Variants in ALPK2 observed in about 807,000 individuals in gnomAD.
The protein encoded by ALPK2 is alpha kinase 2.
In ALPK2, 127 loss-of-function variants were observed where a neutral mutation model predicts 163.1. The ratio of observed to expected loss-of-function variants is 0.78; its 90% CI spans 0.67 to 0.90. ALPK2 has a LOEUF of 0.90. Among genes scored for constraint, ALPK2 ranks in the 40% least tolerant of loss-of-function variants. The pLI, the probability that ALPK2 is intolerant of heterozygous loss-of-function variation, is 0.00. For missense variants in ALPK2, 2,360 were observed against 2,589.6 expected, an observed-to-expected ratio of 0.91 and a Z score of 1.92; for synonymous variants, 953 against 959.1, an observed-to-expected ratio of 0.99 and a Z score of 0.12.
At position 58,562,966 on chromosome 18, in the gene ALPK2, A is replaced by G. The variant is rs146792035; in HGVS notation, c.1962+15848T>C. Among the ~76,000 whole-genome samples, 882 of 152,338 alleles carry G rather than the reference A, an allele frequency of 5.8e-3. 12 individuals are homozygous for G. Among genetic ancestry groups the G allele is most frequent in the South Asian group, 0.031 (150 of 4,818 alleles). ...TACTTCCCACAGACTCCACCTGCTA[A>G]TAGTATCACATTGGAGGTTAGGACT... On this transcript the variant is annotated intron_variant, in intron 4 of 12. Transcript: ENST00000361673.
At chr18:58,485,181 G>A (rs2144093559) in intron 12 of ALPK2, among the ~76,000 whole-genome samples, 1 of 152,316 alleles carries the variant, frequency 6.6e-6, no homozygotes, top group Non-Finnish European at 1.5e-5. Flanking sequence ...GAGAGTGCTG[G>A]CCGTTGTTGC....
In ALPK2 at chr18:58,537,333, G is replaced by A. The variant is rs1251823435; in HGVS notation, c.2854C>T (p.Pro952Ser). The change falls in exon 5 of 13, where the codon CCT (proline) becomes TCT (serine). Residue 952 changes from proline to serine, a missense_variant. Physicochemically the swap from Pro to Ser is moderately conservative, Grantham distance 74. Transcript: ENST00000361673. ...CCTCCTTCTTTAAATTGCACTAAAG[G>A]ATTGTTCTCAGAAGAAAGGAGCTGT... Reference protein sequence around the residue: ...ETQLLSSENNPLVQFKEGGDK... With the variant: ...ETQLLSSENNSLVQFKEGGDK... The A allele has an allele frequency of 3.1e-6, 5 of 1,614,010 alleles. No homozygotes were observed. In the Admixed American group the frequency reaches 6.7e-5, roughly 22 times the overall value.
At chr18:58,543,904 C>T (rs2051704194) in intron 4 of ALPK2, among the ~76,000 whole-genome samples, 1 of 152,176 alleles carries the variant, frequency 6.6e-6, no homozygotes, top group Non-Finnish European at 1.5e-5. Flanking sequence ...GAATAAACCT[C>T]ACCTCACCAA....
chr18:58,507,638 A>G (rs2051468511), intron 10 of ALPK2, among the ~76,000 whole-genome samples: 1 of 152,118 alleles, frequency 6.6e-6, no homozygotes, highest in African/African-American at 2.4e-5. Flanking sequence ...TCGAGCTGGG[A>G]CCTCAGGTTC....
At chr18:58,552,240 A>T (rs993321542) in intron 4 of ALPK2, among the ~76,000 whole-genome samples, 4 of 152,194 alleles carry the variant, frequency 2.6e-5, no homozygotes, top group African/African-American at 7.2e-5. Context: ...CAGTTCTGCA[A>T]ATGTGGTAGA....
intron 3 of ALPK2, among the ~76,000 whole-genome samples, chr18:58,586,462 A>G (rs1196007028): frequency 6.6e-6 from 1 of 152,212 alleles, no homozygotes; most frequent in South Asian, 2.1e-4. Flanking sequence ...GCTGAATCTC[A>G]GTAAGAACAG....
intron 3 of ALPK2, among the ~76,000 whole-genome samples, chr18:58,605,162 G>T (rs1323687456): frequency 7.8e-6 from 1 of 127,730 alleles, no homozygotes; most frequent in Non-Finnish European, 1.7e-5. Flanking sequence ...TCTTACCAGG[G>T]TAGGCAAACT....
At chr18:58,617,973 C>A (rs572825812) in intron 1 of ALPK2, among the ~76,000 whole-genome samples, 24 of 152,198 alleles carry the variant, frequency 1.6e-4, no homozygotes, top group Non-Finnish European at 2.8e-4. Context: ...TCCTTAGACA[C>A]ATAACTGGTC....
chr18:58,596,617 G>A (rs2052042666), intron 3 of ALPK2, among the ~76,000 whole-genome samples: 1 of 152,216 alleles, frequency 6.6e-6, no homozygotes. Context: ...TGGGAGGCCT[G>A]TTAGATTATT....
intron 12 of ALPK2, among the ~76,000 whole-genome samples, chr18:58,493,393 GGATTA>G (rs1160242038): frequency 6.6e-6 from 1 of 151,978 alleles, no homozygotes; most frequent in Non-Finnish European, 1.5e-5. Context: ...GTGTTTCTTC[GGATTA>G]GATTGTTTCT....
chr18:58,543,888 A>G (rs972978369), intron 4 of ALPK2, among the ~76,000 whole-genome samples: 6 of 152,182 alleles, frequency 3.9e-5, no homozygotes, highest in Non-Finnish European at 8.8e-5. Context: ...CTAATCAGGT[A>G]AGTTGGAATA....
chr18:58,482,583 C>A (rs1438941852), intron 12 of ALPK2, among the ~76,000 whole-genome samples: 2 of 152,140 alleles, frequency 1.3e-5, no homozygotes, highest in African/African-American at 4.8e-5. Context: ...CCCTCTGAGT[C>A]TTTCTCCTAC....
chr18:58,585,944 A>G (rs371806609), intron 3 of ALPK2, among the ~76,000 whole-genome samples: 4 of 152,202 alleles, frequency 2.6e-5, no homozygotes, highest in Non-Finnish European at 4.4e-5. Context: ...TTGGCCTCCC[A>G]AAGTGCTGGG....
chr18:58,616,472 G>A (rs1166478349), intron 1 of ALPK2, among the ~76,000 whole-genome samples: 2 of 152,202 alleles, frequency 1.3e-5, no homozygotes, highest in African/African-American at 4.8e-5. Flanking sequence ...GACAGGCCTT[G>A]CTGGGTTCAG....
chr18:58,536,157 C>G lies in ALPK2; in HGVS notation c.4030G>C (p.Asp1344His), dbSNP rs1399816634. The G allele has an allele frequency of 2.5e-6, 4 of 1,614,034 alleles. No individual in the cohort carries two copies. The highest frequency in any genetic ancestry group is 3.4e-6 in the Non-Finnish European group (4 of 1,180,034). Residue 1344 changes from aspartate to histidine, a missense_variant, in exon 5 of 13, where the codon GAC becomes CAC. Transcript: ENST00000361673. ...SQPRLLESSVDPVDEKELSVT... is the reference protein window; with the variant it reads ...SQPRLLESSVHPVDEKELSVT... ...GATAACTCCTTTTCATCTACAGGGT[C>G]CACGGATGACTCCAGGAGTCTGGGT...
At chr18:58,520,877 G>A (rs892940721) in intron 8 of ALPK2, among the ~76,000 whole-genome samples, 1 of 152,180 alleles carries the variant, frequency 6.6e-6, no homozygotes, top group Non-Finnish European at 1.5e-5. Flanking sequence ...TCAGCTGGGT[G>A]CAGTGGTGAG....
intron 2 of ALPK2, among the ~76,000 whole-genome samples, chr18:58,610,995 G>A (rs2052126760): frequency 6.6e-6 from 1 of 151,732 alleles, no homozygotes; most frequent in Non-Finnish European, 1.5e-5. Context: ...TTGGGAGGCT[G>A]AGGTGGGAGA....
chr18:58,493,215 C>T (rs1056299480), intron 12 of ALPK2, among the ~76,000 whole-genome samples: 8 of 152,126 alleles, frequency 5.3e-5, no homozygotes, highest in African/African-American at 1.9e-4. Context: ...GGGGACTCAG[C>T]TGAAATGTTT....
intron 3 of ALPK2, among the ~76,000 whole-genome samples, chr18:58,588,873 G>A (rs1477268152): frequency 1.3e-5 from 2 of 152,144 alleles, no homozygotes; most frequent in African/African-American, 4.8e-5. Flanking sequence ...CTTTGCTATT[G>A]TGAATGGTGC....
Sources: gnomAD v4.1 joint callset for allele counts (sites outside exome capture counted in the v4.1 genomes callset) on GRCh38, gnomAD v4.1.1 for gene constraint, MANE v1.5 for transcripts, NCBI Gene and HGNC (gene_info 2026-07-23, HGNC 2026-07-21) for gene names.